ELMO2: variants seen among roughly 807,000 people sequenced by gnomAD.
ELMO2 encodes engulfment and cell motility 2.
ELMO2 carries 37 observed loss-of-function variants against 96.2 expected under a neutral mutation model. That is an observed-to-expected ratio of 0.38 (90% CI 0.30 to 0.51). The LOEUF is 0.51. Ranked by LOEUF, ELMO2 falls within the 20% of genes least tolerant of loss-of-function variation. The pLI, the probability that ELMO2 is intolerant of heterozygous loss-of-function variation, is 0.88. For synonymous variants in ELMO2, 315 were observed against 329.4 expected (o/e 0.96, Z 0.47); for missense variants, 561 against 912.6 (o/e 0.61, Z 4.96).
At chr20:46,368,104 C>A (rs2059622332) in intron 21 of ELMO2, among the ~76,000 whole-genome samples, 1 of 152,180 alleles carries the variant, frequency 6.6e-6, no homozygotes, top group African/African-American at 2.4e-5. Flanking sequence ...CTTCCTGCTT[C>A]CTCTGCTGCC....
chr20:46,392,896 C>T (rs1484220163), intron 6 of ELMO2, among the ~76,000 whole-genome samples, 197 bp downstream of exon 6: 1 of 152,196 alleles, frequency 6.6e-6, no homozygotes, highest in Non-Finnish European at 1.5e-5. Context: ...TTGAGACAGG[C>T]CTTCTATTGC....
At chr20:46,406,085 C>CG (rs1251546622) in intron 1 of ELMO2, among the ~76,000 whole-genome samples, 1 of 152,164 alleles carries the variant, frequency 6.6e-6, no homozygotes, top group Non-Finnish European at 1.5e-5. Context: ...GCAGGATCCA[C>CG]GGGGCGGACT....
At chr20:46,369,801 A>G in intron 20 of ELMO2, 1 of 200,948 alleles carries the variant, frequency 5.0e-6, no homozygotes. Flanking sequence ...AACAATCAGC[A>G]AAATTCAGAT....
At chr20:46,372,102 G>C (rs1361793647) in intron 16 of ELMO2, 133 bp from the exon 17 acceptor site, 1 of 1,034,806 alleles carries the variant, frequency 9.7e-7, no homozygotes, top group Non-Finnish European at 1.4e-6. Context: ...TGCTGGGTGA[G>C]TAAGGTATAC....
chr20:46,373,128 C>T, intron 16 of ELMO2: 1 of 435,208 alleles, frequency 2.3e-6, no homozygotes, highest in South Asian at 3.0e-5. Context: ...AATGCTTATC[C>T]TCCTGACCTC....
chr20:46,370,825 C>A (rs1327060687), intron 19 of ELMO2, among the ~76,000 whole-genome samples: 1 of 152,174 alleles, frequency 6.6e-6, no homozygotes, highest in African/African-American at 2.4e-5. Context: ...CCCTTCCCCT[C>A]TCCTTCACAA....
At chr20:46,383,527 T>C in intron 9 of ELMO2, 33 bp from the exon 10 acceptor site, 9 of 1,548,660 alleles carry the variant, frequency 5.8e-6, no homozygotes, top group Non-Finnish European at 8.0e-6. Context: ...GAGAGGGAGA[T>C]TAGAAGACTG....
intron 21 of ELMO2, 95 bp from the exon 22 acceptor site, chr20:46,367,655 C>CAAAAGGAACTG: frequency 1.0e-6 from 1 of 986,006 alleles, no homozygotes; most frequent in Non-Finnish European, 1.5e-6. Context: ...ACAACAGTTC[C>CAAAAGGAACTG]TTTTGGAACT....
Position 46,376,077 on chromosome 20 carries a change from C to G in ELMO2, c.808-287G>C, listed in dbSNP as rs77445609. On this transcript the variant is annotated intron_variant, in intron 11 of 21. Transcript: ENST00000290246. Reference sequence around the variant, plus strand: ...CCAACCACACCAGAAATGGGGGAGGCTACTCCATCAAGGCTATGATACAGA... The same window carrying G: ...CCAACCACACCAGAAATGGGGGAGGGTACTCCATCAAGGCTATGATACAGA... Among the ~76,000 whole-genome samples, 865 of 152,296 alleles carry G rather than the reference C, an allele frequency of 5.7e-3. 5 individuals are homozygous for G. Among genetic ancestry groups the G allele is most frequent in the African/African-American group, 0.02 (824 of 41,566 alleles).
Position 46,366,687 on chromosome 20 carries a change from G to GC in ELMO2, c.*672dup, listed in dbSNP as rs1305444408. The stretch of plus-strand genomic sequence containing the variant: ...TGGAGACTTAAGAGGGCAGGACTTG[G>GC]CCAGGAGGTCTTTGACTTGCTGGGA... On this transcript the variant is annotated 3_prime_UTR_variant, in exon 22 of 22. Coordinates refer to ENST00000290246, the MANE Select transcript of ELMO2 (RefSeq NM_133171.5). 8.5e-5 allele frequency: 13 copies of GC among 152,514 alleles called. No individual in the cohort carries two copies. The highest frequency in any genetic ancestry group is 8.5e-4 in the Admixed American group (13 of 15,276). The allele number at this position is 152,514 out of a possible 1,614,324, so 9.4% of individuals were successfully genotyped here.
intron 10 of ELMO2, among the ~76,000 whole-genome samples, chr20:46,380,797 G>GT (rs2059942367): frequency 6.6e-6 from 1 of 152,204 alleles, no homozygotes; most frequent in African/African-American, 2.4e-5. Context: ...CTCTACAACA[G>GT]TAAGTAGTCT....
In ELMO2 at chr20:46,371,524, G is replaced by T; in HGVS notation, c.1693+55C>A. On this transcript the variant is annotated intron_variant, in intron 18 of 21. Transcript: ENST00000290246. The surrounding 1 kb of genome is among the most constrained non-coding windows in gnomAD (Gnocchi z 5.9). ...TACTGGGAAAGGCCTGGGCACAAAA[G>T]GGGCCATCCAGGCAGGCTCTTCCCG... 6.2e-7 allele frequency: 1 copy of T among 1,607,098 alleles called. No individual in the cohort carries two copies. The highest frequency in any genetic ancestry group is 1.7e-5 in the Admixed American group (1 of 59,388).
At chr20:46,400,450 A>G (rs1406947210) in intron 1 of ELMO2, among the ~76,000 whole-genome samples, 1 of 152,242 alleles carries the variant, frequency 6.6e-6, no homozygotes, top group African/African-American at 2.4e-5. Context: ...TAACATTGCA[A>G]AATTCTCAGG....
At chr20:46,383,292 C>G (rs2059988518) in intron 10 of ELMO2, 124 bp downstream of exon 10, 3 of 1,031,528 alleles carry the variant, frequency 2.9e-6, no homozygotes, top group Non-Finnish European at 4.5e-6. Flanking sequence ...CCAGACCAGA[C>G]AGCTAAGAGG....
intron 2 of ELMO2, among the ~76,000 whole-genome samples, chr20:46,397,418 G>C (rs6017808): frequency 1 from 151,995 of 152,362 alleles, 75,816 homozygotes; most frequent in Middle Eastern, 1. Flanking sequence ...GTCTATAATC[G>C]CAGCACTTTG....
intron 3 of ELMO2, 81 bp from the exon 4 acceptor site, chr20:46,394,170 G>C: frequency 3.1e-6 from 4 of 1,310,416 alleles, no homozygotes; most frequent in Non-Finnish European, 4.4e-6. Context: ...CTGCCAAGCA[G>C]GGTCAAGCTG....
chr20:46,370,406 C>T, intron 20 of ELMO2, 37 bp downstream of exon 20: 1 of 1,590,558 alleles, frequency 6.3e-7, no homozygotes, highest in Non-Finnish European at 8.6e-7. Context: ...CTCCAAGTAT[C>T]ACTGGGCCAG....
intron 3 of ELMO2, 50 bp downstream of exon 3, chr20:46,394,355 C>T: frequency 6.3e-7 from 1 of 1,593,518 alleles, no homozygotes. Context: ...CTGCCATGCA[C>T]TCCCCAGGTG....
intron 10 of ELMO2, 133 bp from the exon 11 acceptor site, chr20:46,380,436 G>A: frequency 1.4e-6 from 1 of 715,420 alleles, no homozygotes; most frequent in Non-Finnish European, 2.5e-6. Context: ...AATGAAAAGT[G>A]GGTGAATGAA....
Sources: gnomAD v4.1 joint callset for allele counts (sites outside exome capture counted in the v4.1 genomes callset) on GRCh38, gnomAD v4.1.1 for gene constraint, Gnocchi (gnomAD v3.1) non-coding constraint, MANE v1.5 for transcripts, NCBI Gene and HGNC (gene_info 2026-07-23, HGNC 2026-07-21) for gene names.